SLC35D2: variants seen among roughly 807,000 people sequenced by gnomAD.
SLC35D2 encodes the protein solute carrier family 35 member D2.
Under a neutral mutation model 41.8 loss-of-function variants are expected in SLC35D2, and 43 were observed. That is an observed-to-expected ratio of 1.03 (90% CI 0.81 to 1.33). The LOEUF (loss-of-function observed/expected upper bound fraction) is 1.33. Among genes scored for constraint, SLC35D2 ranks in the 40% most tolerant of loss-of-function variants. The probability of loss-of-function intolerance (pLI) is 0.00; values close to 1 mark genes in which losing one functional copy is unlikely to be tolerated. For missense variants in SLC35D2, 380 were observed against 408.4 expected, an observed-to-expected ratio of 0.93 and a Z score of 0.60; for synonymous variants, 150 against 163.9, an observed-to-expected ratio of 0.92 and a Z score of 0.65.
intron 6 of SLC35D2, 152 bp downstream of exon 6, chr9:96,350,951 A>G: frequency 1.7e-6 from 1 of 573,138 alleles, no homozygotes; most frequent in Non-Finnish European, 3.1e-6. Context: ...CTTTCATAGG[A>G]ACACATGGGG....
intron 9 of SLC35D2, among the ~76,000 whole-genome samples, chr9:96,328,123 C>A (rs1828634592): frequency 6.6e-6 from 1 of 152,172 alleles, no homozygotes; most frequent in Non-Finnish European, 1.5e-5. Flanking sequence ...GAAACCTCAC[C>A]ACTTTTATTA....
chr9:96,346,504 A>G (rs1361709409), intron 6 of SLC35D2, among the ~76,000 whole-genome samples: 5 of 152,240 alleles, frequency 3.3e-5, no homozygotes, highest in Admixed American at 6.5e-5. Flanking sequence ...TCACAATGGG[A>G]AATTGATTCC....
At position 96,343,910 on chromosome 9, in the gene SLC35D2, C is replaced by T. The variant is rs1829450902; in HGVS notation, c.678G>A (p.Leu226=). Residue 226 remains leucine (L), a synonymous_variant, in exon 8 of 12, where the codon CTG becomes CTA. Transcript: ENST00000253270. ...TLIISVSTGD[L]QQATEFNQWK... The stretch of plus-strand genomic sequence containing the variant: ...ATGATTGTCATCAGCTCACCTGTTG[C>T]AGGTCTCCAGTGGAGACACTAATAA... The T allele has an allele frequency of 2.0e-6, 3 of 1,532,128 alleles. No individual in the cohort carries two copies. The highest frequency in any genetic ancestry group is 2.6e-6 in the Non-Finnish European group (3 of 1,141,322). The allele number at this position is 1,532,128 out of a possible 1,614,324, so 94.9% of individuals were successfully genotyped here.
intron 4 of SLC35D2, among the ~76,000 whole-genome samples, chr9:96,352,784 T>A (rs1399298474): frequency 6.7e-6 from 1 of 149,156 alleles, no homozygotes; most frequent in East Asian, 2.1e-4. Flanking sequence ...TCGCCTGTAA[T>A]CCCAGCACTT....
At position 96,321,046 on chromosome 9, in the gene SLC35D2, T is replaced by C; in HGVS notation, c.*196A>G. 1.9e-6 allele frequency: 1 copy of C among 530,796 alleles called. No homozygotes were observed. The highest frequency in any genetic ancestry group is 3.2e-5 in the East Asian group (1 of 31,150). 32.9% of individuals were successfully genotyped at this position (530,796 alleles called of 1,614,324 possible). A position where few individuals can be genotyped will look rare whatever the true frequency, so the allele number is the denominator to read the frequency against. ...AAAGATTTGCTTTCCACAGGTAAGG[T>C]GTCGCCCGAGTACATTTCTTGAGAC... On this transcript the variant is annotated 3_prime_UTR_variant, in exon 12 of 12. Transcript: ENST00000253270.
chr9:96,358,696 G>A lies in SLC35D2; in HGVS notation c.347+1458C>T, dbSNP rs115384052. 2.3e-3 allele frequency among the ~76,000 whole-genome samples: 353 copies of A among 152,186 alleles called. 2 individuals are homozygous for A. Among genetic ancestry groups the A allele is most frequent in the African/African-American group, 7.9e-3 (330 of 41,524 alleles). On this transcript the variant is annotated intron_variant, in intron 4 of 11. Transcript: ENST00000253270. The stretch of plus-strand genomic sequence containing the variant: ...GAAGTGGTGAAAATTTGTTCTTATC[G>A]AAAAAGTTTAGGTTGGGTGTGGTGG...
chr9:96,347,253 TG>T (rs1328769512), intron 6 of SLC35D2, among the ~76,000 whole-genome samples: 7 of 151,644 alleles, frequency 4.6e-5, no homozygotes, highest in Non-Finnish European at 7.4e-5. Flanking sequence ...GGAAAGGGGA[TG>T]GGGGGAGATG....
chr9:96,334,139 G>A (rs868748239), intron 9 of SLC35D2, among the ~76,000 whole-genome samples: 8 of 152,276 alleles, frequency 5.3e-5, no homozygotes, highest in African/African-American at 1.4e-4. Context: ...CGGTTTTGTG[G>A]AAGACAATTT....
rs375830263 is a variant in SLC35D2, at chr9:96,327,355, G to A, written c.753-3186C>T. Among the ~76,000 whole-genome samples, 3 of 152,134 alleles carry A rather than the reference G, an allele frequency of 2.0e-5. No homozygotes were observed. The South Asian group carries it at 6.2e-4, about 31-fold the overall frequency. ...TCCCGCCTGTCTTCCAAGTAGCTGG[G>A]ACTACAGATGTGTGTCGTCACACCC... is the stretch of plus-strand genomic sequence containing the variant. On this transcript the variant is annotated intron_variant, in intron 9 of 11. Coordinates refer to ENST00000253270, the MANE Select transcript of SLC35D2 (RefSeq NM_007001.3).
rs528344862 is a variant in SLC35D2, at chr9:96,336,508, A to G, written c.752+209T>C. On this transcript the variant is annotated intron_variant, in intron 9 of 11. Coordinates refer to ENST00000253270, the MANE Select transcript of SLC35D2 (RefSeq NM_007001.3). Reference sequence around the variant, plus strand: ...AACAGGACATTAGCATGACTTTCAAAAACAAGAGTTGTATGCTTGTTCCTG... The same window carrying G: ...AACAGGACATTAGCATGACTTTCAAGAACAAGAGTTGTATGCTTGTTCCTG... Among the ~76,000 whole-genome samples the G allele has an allele frequency of 2.6e-5, 4 of 152,360 alleles. No homozygotes were observed. The South Asian group carries it at 8.3e-4, about 32-fold the overall frequency.
At chr9:96,322,700 T>C (rs1039632411) in intron 10 of SLC35D2, among the ~76,000 whole-genome samples, 6 of 146,818 alleles carry the variant, frequency 4.1e-5, no homozygotes, top group African/African-American at 1.5e-4. Flanking sequence ...TATCATTGGG[T>C]AGTGAGGTTT....
rs572037042 is a variant in SLC35D2 at position 96,330,904 on chromosome 9, T to TTTTA, written c.752+5809_752+5812dup. 4.4e-3 allele frequency among the ~76,000 whole-genome samples: 647 copies of TTTTA among 146,940 alleles called. 1 individual carries two copies. The highest frequency in any genetic ancestry group is 6.1e-3 in the Non-Finnish European group (406 of 66,316). On this transcript the variant is annotated intron_variant, in intron 9 of 11. Transcript: ENST00000253270. ...AGAGTTCTGCTGAATTTCACCCTGATTTTATTTATTTATTTATTTATTTAT... is the reference window on the plus strand; with the variant it reads ...AGAGTTCTGCTGAATTTCACCCTGATTTTATTTATTTATTTATTTATTTATTTAT...
At chr9:96,350,963 T>G in intron 6 of SLC35D2, 140 bp downstream of exon 6, 3 of 625,376 alleles carry the variant, frequency 4.8e-6, no homozygotes, top group Non-Finnish European at 8.5e-6. Flanking sequence ...CACATGGGGA[T>G]TCCACTAACT....
chr9:96,314,597 CG>C (rs1464071717), exon 12 of SLC35D2: 2 of 151,494 alleles, frequency 1.3e-5, no homozygotes, highest in African/African-American at 2.4e-5. Flanking sequence ...TAGGGGGGTG[CG>C]GGAGAGGGAG....
At chr9:96,331,886 T>C (rs1389510720) in intron 9 of SLC35D2, among the ~76,000 whole-genome samples, 1 of 152,184 alleles carries the variant, frequency 6.6e-6, no homozygotes, top group Non-Finnish European at 1.5e-5. Flanking sequence ...GTAGGTTGCA[T>C]GCTCCTTATA....
Position 96,358,081 on chromosome 9 carries a change from TATATATATATATA to T in SLC35D2, c.347+2060_347+2072del, listed in dbSNP as rs913164901. Among the ~76,000 whole-genome samples the T allele has an allele frequency of 2.8e-3, 38 of 13,598 alleles. 5 individuals are homozygous for T. Among genetic ancestry groups the T allele is most frequent in the African/African-American group, 1.0e-2 (30 of 3,008 alleles). 8.9% of individuals were successfully genotyped at this position (13,598 alleles called of 152,430 possible). A position where few individuals can be genotyped will look rare whatever the true frequency, so the allele number is the denominator to read the frequency against. On this transcript the variant is annotated intron_variant, in intron 4 of 11. Coordinates refer to ENST00000253270, the MANE Select transcript of SLC35D2 (RefSeq NM_007001.3). ...TGGATAAACAAAATATTATATATTT[TATATATATATATA>T]TATATATATATATACCTGCAATGGA...
chr9:96,333,097 C>T (rs1171292200), intron 9 of SLC35D2, among the ~76,000 whole-genome samples: 1 of 149,084 alleles, frequency 6.7e-6, no homozygotes. Flanking sequence ...TGGGGTTTCA[C>T]CATGTTGGCC....
chr9:96,364,762 G>C (rs1014715950), intron 2 of SLC35D2, among the ~76,000 whole-genome samples: 1 of 151,982 alleles, frequency 6.6e-6, no homozygotes, highest in Non-Finnish European at 1.5e-5. Flanking sequence ...GGCAAAAAAC[G>C]TAACGTCGGG....
chr9:96,315,841 C>T (rs374578631), downstream of SLC35D2, among the ~76,000 whole-genome samples: 54 of 152,206 alleles, frequency 3.5e-4, no homozygotes, highest in East Asian at 7.7e-4. Context: ...AGAATTATAA[C>T]GGAAACCAAT....
Sources: allele counts gnomAD v4.1 joint callset (sites outside exome capture counted in the v4.1 genomes callset), GRCh38; gene constraint gnomAD v4.1.1; transcripts MANE v1.5; gene names NCBI Gene and HGNC (gene_info 2026-07-23, HGNC 2026-07-21).